ATP8B4: variants seen among roughly 807,000 people sequenced by gnomAD.
The protein encoded by ATP8B4 is ATPase phospholipid transporting 8B4 (putative).
Under a neutral mutation model 145.6 loss-of-function variants are expected in ATP8B4, and 133 were observed. The observed-to-expected ratio is 0.91, with a 90% CI of 0.79 to 1.05. The LOEUF (loss-of-function observed/expected upper bound fraction) is 1.05, where lower values mean the gene tolerates loss of function less well. Ranked by LOEUF, ATP8B4 falls within the 50% of genes least tolerant of loss-of-function variation. ATP8B4 has a pLI of 0.00. For synonymous variants in ATP8B4, 507 were observed against 492.9 expected (o/e 1.03, Z -0.38); for missense variants, 1,458 against 1,425.2 (o/e 1.02, Z -0.37).
chr15:50,016,726 G>A (rs952475450), intron 6 of ATP8B4, among the ~76,000 whole-genome samples: 8 of 152,274 alleles, frequency 5.3e-5, no homozygotes, highest in Admixed American at 6.5e-5. Flanking sequence ...AAACACTCTC[G>A]TCAGCCAAGG....
intron 1 of ATP8B4, among the ~76,000 whole-genome samples, chr15:50,180,182 G>C (rs1261055393): frequency 1.3e-5 from 2 of 151,960 alleles, no homozygotes; most frequent in Non-Finnish European, 2.9e-5. Flanking sequence ...ATCCAGTCAG[G>C]GATTTTTTTT....
chr15:50,059,976 C>G (rs2052889515), intron 3 of ATP8B4, among the ~76,000 whole-genome samples: 1 of 152,156 alleles, frequency 6.6e-6, no homozygotes, highest in African/African-American at 2.4e-5. Context: ...AGATGTCAAG[C>G]CTGCTTTAGA....
At chr15:50,169,159 TC>T (rs1428663318) in intron 1 of ATP8B4, among the ~76,000 whole-genome samples, 1 of 152,142 alleles carries the variant, frequency 6.6e-6, no homozygotes, top group Non-Finnish European at 1.5e-5. Context: ...CCACCACCAG[TC>T]CGTCTCCACA....
At chr15:50,063,301 T>G (rs1318359851) in intron 3 of ATP8B4, among the ~76,000 whole-genome samples, 1 of 152,068 alleles carries the variant, frequency 6.6e-6, no homozygotes, top group Non-Finnish European at 1.5e-5. Flanking sequence ...GCTCAGTATT[T>G]TTATTATTAA....
intron 1 of ATP8B4, among the ~76,000 whole-genome samples, chr15:50,114,103 C>CTTTTTTTTTT (rs755159123): frequency 1.5e-3 from 83 of 55,642 alleles, no homozygotes; most frequent in African/African-American, 3.9e-3. Flanking sequence ...CTCCTAGTTT[C>CTTTTTTTTTT]TTTTTTTTTT....
rs201550718 is a variant in ATP8B4 at position 50,163,959 on chromosome 15, TC to T, written c.-43+18301del. On this transcript the variant is annotated intron_variant, in intron 1 of 3. Coordinates refer to the ATP8B4 transcript ENST00000558829. ...CTGCCTGGCTACTTCCAGTGTTCTC[TC>T]AAGGTCCAAGGGCTCCTCAGTCAGC... is the stretch of plus-strand genomic sequence containing the variant. Among the ~76,000 whole-genome samples, 686 of 152,226 alleles carry T rather than the reference TC, an allele frequency of 4.5e-3. 13 individuals are homozygous for T. Among genetic ancestry groups the T allele is most frequent in the Admixed American group, 0.036 (551 of 15,290 alleles).
chr15:49,918,966 G>A lies in ATP8B4; in HGVS notation c.1924-16C>T, dbSNP rs527733654. The A allele has an allele frequency of 6.3e-7, 1 of 1,575,110 alleles. No homozygotes were observed. The highest frequency in any genetic ancestry group is 1.4e-5 in the African/African-American group (1 of 73,852). ...CACCTAGTAGCTTTATTGAAAAAGAGAGAAAAGTTTATGTTAATGCATGCA... is the reference window on the plus strand; with the variant it reads ...CACCTAGTAGCTTTATTGAAAAAGAAAGAAAAGTTTATGTTAATGCATGCA... On this transcript the variant is annotated splice_polypyrimidine_tract_variant and intron_variant, in intron 18 of 27. Coordinates refer to ENST00000284509, the MANE Select transcript of ATP8B4 (RefSeq NM_024837.4).
In ATP8B4 at chr15:50,057,276, A is replaced by T. The variant is rs530409224; in HGVS notation, c.88-9812T>A. The stretch of plus-strand genomic sequence containing the variant: ...TGCTGAACACTATATCATCTCAGGC[A>T]GTCCTTAAAAAATCCAATGAGCTGT... On this transcript the variant is annotated intron_variant, in intron 3 of 27. Coordinates refer to ENST00000284509, the MANE Select transcript of ATP8B4 (RefSeq NM_024837.4). Among the ~76,000 whole-genome samples the T allele has an allele frequency of 3.9e-5, 6 of 152,334 alleles. No homozygotes were observed. In the East Asian group the frequency reaches 9.6e-4, roughly 24 times the overall value.
intron 1 of ATP8B4, among the ~76,000 whole-genome samples, chr15:50,115,989 T>C (rs1203305053): frequency 2.6e-5 from 4 of 152,196 alleles, no homozygotes; most frequent in Admixed American, 2.0e-4. Flanking sequence ...TCTGTGCCAG[T>C]CCAGGCTGTC....
intron 1 of ATP8B4, among the ~76,000 whole-genome samples, chr15:50,129,460 A>G (rs1457520459): frequency 6.6e-6 from 1 of 151,426 alleles, no homozygotes; most frequent in African/African-American, 2.4e-5. Flanking sequence ...ATCCCTCCAC[A>G]CTCTCCCTCT....
At chr15:50,001,642 G>C (rs2047902909) in intron 8 of ATP8B4, among the ~76,000 whole-genome samples, 1 of 151,888 alleles carries the variant, frequency 6.6e-6, no homozygotes, top group Non-Finnish European at 1.5e-5. Context: ...TTTTATGCCA[G>C]ACAAACTAAA....
At chr15:50,009,598 G>A in intron 7 of ATP8B4, 1 of 434,686 alleles carries the variant, frequency 2.3e-6, no homozygotes, top group Non-Finnish European at 4.6e-6. Context: ...CCCTTACACT[G>A]GAGCTACCTT....
intron 12 of ATP8B4, among the ~76,000 whole-genome samples, chr15:49,974,893 T>A (rs1011344715): frequency 2.0e-5 from 3 of 152,196 alleles, no homozygotes; most frequent in Non-Finnish European, 4.4e-5. Context: ...AGCATCTGAT[T>A]TATGGATTTC....
chr15:50,023,002 A>G (rs2049705016), intron 6 of ATP8B4, among the ~76,000 whole-genome samples: 1 of 152,042 alleles, frequency 6.6e-6, no homozygotes, highest in South Asian at 2.1e-4. Flanking sequence ...ATTTTTCTCT[A>G]TTAGGAAGAT....
At chr15:49,977,318 C>T (rs1176639383) in intron 12 of ATP8B4, among the ~76,000 whole-genome samples, 1 of 151,858 alleles carries the variant, frequency 6.6e-6, no homozygotes, top group Non-Finnish European at 1.5e-5. Flanking sequence ...ATGCTTTTTC[C>T]CTCGAGTTAA....
At chr15:50,154,150 T>C (rs572466302) in intron 1 of ATP8B4, among the ~76,000 whole-genome samples, 1 of 152,306 alleles carries the variant, frequency 6.6e-6, no homozygotes, top group East Asian at 1.9e-4. Context: ...GCTGAAACTT[T>C]CTGCTTTGTC....
At chr15:50,087,278 TAGAATAATA>T (rs2055249279) in intron 2 of ATP8B4, among the ~76,000 whole-genome samples, 1 of 136,196 alleles carries the variant, frequency 7.3e-6, no homozygotes, top group South Asian at 2.2e-4. Context: ...TTATATATAA[TAGAATAATA>T]TATAGATCTA....
chr15:49,976,976 C>A (rs1003243998), intron 12 of ATP8B4, among the ~76,000 whole-genome samples: 4 of 151,972 alleles, frequency 2.6e-5, no homozygotes, highest in African/African-American at 7.2e-5. Context: ...AAGCTAATTC[C>A]TTGGGAAAAC....
chr15:49,980,934 T>C (rs1490567377), intron 11 of ATP8B4, among the ~76,000 whole-genome samples: 2 of 152,178 alleles, frequency 1.3e-5, no homozygotes, highest in Non-Finnish European at 2.9e-5. Context: ...TATGTTTGGT[T>C]TTCCAAAAAC....
Sources: allele counts gnomAD v4.1 joint callset (sites outside exome capture counted in the v4.1 genomes callset), GRCh38; gene constraint gnomAD v4.1.1; transcripts MANE v1.5; gene names NCBI Gene and HGNC (gene_info 2026-07-23, HGNC 2026-07-21).